OPCML: variants seen among roughly 807,000 people sequenced by gnomAD.
OPCML encodes the protein opioid binding protein/cell adhesion molecule like.
Under a neutral mutation model 37.8 loss-of-function variants are expected in OPCML, and 13 were observed. The ratio of observed to expected loss-of-function variants is 0.34; its 90% confidence interval spans 0.22 to 0.55. The LOEUF (loss-of-function observed/expected upper bound fraction) is 0.55, where lower values mean the gene tolerates loss of function less well. OPCML is among the 20% of genes least tolerant of loss of function. The pLI is 0.91. For synonymous variants in OPCML, 176 were observed against 168.8 expected, an observed-to-expected ratio of 1.04 and a Z score of -0.33; for missense variants, 341 against 435.6, an observed-to-expected ratio of 0.78 and a Z score of 1.93.
chr11:132,501,034 T>A (rs938370944), intron 4 of OPCML, among the ~76,000 whole-genome samples: 1 of 152,206 alleles, frequency 6.6e-6, no homozygotes, highest in Non-Finnish European at 1.5e-5. Flanking sequence ...TGTGTCTTTA[T>A]AGTAGAATGA....
At chr11:133,478,243 C>T (rs1471652780) in intron 1 of OPCML, among the ~76,000 whole-genome samples, 2 of 152,194 alleles carry the variant, frequency 1.3e-5, no homozygotes, top group African/African-American at 4.8e-5. Flanking sequence ...GGCCTCCTGC[C>T]TGCCTCTCCC....
chr11:132,423,767 C>T (rs901293864), intron 7 of OPCML, among the ~76,000 whole-genome samples: 1 of 152,134 alleles, frequency 6.6e-6, no homozygotes, highest in African/African-American at 2.4e-5. Context: ...TCGGGGCTCA[C>T]GTTTGGTCCC....
chr11:132,782,917 GTATATATA>G lies in OPCML; in HGVS notation c.147-125606_147-125599del, dbSNP rs59984496. On this transcript the variant is annotated intron_variant, in intron 2 of 7. Transcript: ENST00000524381. ...AATATGTAATATATATATAGTGTGT[GTATATATA>G]TATATATATATATATATATATGTAT... 1.2e-3 allele frequency among the ~76,000 whole-genome samples: 145 copies of G among 125,080 alleles called. 1 individual carries two copies. The highest frequency in any genetic ancestry group is 3.3e-3 in the African/African-American group (113 of 34,420). The allele number at this position is 125,080 out of a possible 152,430, so 82.1% of individuals were successfully genotyped here.
At chr11:132,513,953 C>A (rs2096274342) in intron 4 of OPCML, among the ~76,000 whole-genome samples, 1 of 152,048 alleles carries the variant, frequency 6.6e-6, no homozygotes, top group African/African-American at 2.4e-5. Flanking sequence ...GTAGAAGGCA[C>A]CCACTAATTC....
chr11:132,772,232 T>C (rs1946663916), intron 2 of OPCML: 1 of 152,190 alleles, frequency 6.6e-6, no homozygotes, highest in South Asian at 2.1e-4. Flanking sequence ...CCAAAATCCT[T>C]CTCTGGGATG....
intron 1 of OPCML, among the ~76,000 whole-genome samples, chr11:133,417,868 A>G (rs1298295789): frequency 2.6e-5 from 4 of 152,218 alleles, no homozygotes; most frequent in African/African-American, 9.7e-5. Flanking sequence ...GTCCAGAGAA[A>G]GAAATATGTA....
intron 4 of OPCML, among the ~76,000 whole-genome samples, chr11:132,525,208 C>T (rs906971883): frequency 5.3e-5 from 8 of 152,126 alleles, no homozygotes; most frequent in Non-Finnish European, 1.0e-4. Flanking sequence ...TTATTTTTCT[C>T]CAATGTGATA....
chr11:132,533,703 T>G (rs1252078794), intron 3 of OPCML, among the ~76,000 whole-genome samples: 1 of 152,138 alleles, frequency 6.6e-6, no homozygotes, highest in Non-Finnish European at 1.5e-5. Flanking sequence ...CCTTTACTTG[T>G]ATATTTACCT....
intron 1 of OPCML, among the ~76,000 whole-genome samples, chr11:133,304,300 A>G (rs1592183924): frequency 6.6e-6 from 1 of 152,338 alleles, no homozygotes; most frequent in Non-Finnish European, 1.5e-5. Context: ...GAATAATCAC[A>G]TATAACATTT....
chr11:132,552,952 T>A (rs191273504), intron 3 of OPCML, among the ~76,000 whole-genome samples: 1 of 151,820 alleles, frequency 6.6e-6, no homozygotes, highest in Non-Finnish European at 1.5e-5. Context: ...TTTTAGTAGA[T>A]ACGGTGTTTC....
In OPCML at chr11:132,700,148, T is replaced by C. The variant is rs1362588304; in HGVS notation, c.147-42829A>G. Among the ~76,000 whole-genome samples, 3 of 152,186 alleles carry C rather than the reference T, an allele frequency of 2.0e-5. 1 individual carries two copies. The highest frequency in any genetic ancestry group is 3.9e-4 in the East Asian group (2 of 5,186). On this transcript the variant is annotated intron_variant, in intron 2 of 7. Coordinates refer to ENST00000524381, the MANE Select transcript of OPCML (RefSeq NM_001012393.5). Reference sequence around the variant, plus strand: ...ATCTTTTGTGTTTCTGTAAACTGTATTGTGTACTCTTTGATTTATAAATTT... The same window carrying C: ...ATCTTTTGTGTTTCTGTAAACTGTACTGTGTACTCTTTGATTTATAAATTT...
chr11:133,161,171 G>T (rs61910349), intron 1 of OPCML, among the ~76,000 whole-genome samples: 1 of 152,226 alleles, frequency 6.6e-6, no homozygotes, highest in Non-Finnish European at 1.5e-5. Context: ...CTGTGGCTTT[G>T]GGACTGAGGG....
chr11:132,618,714 G>A (rs1255672378), intron 3 of OPCML, among the ~76,000 whole-genome samples: 1 of 152,062 alleles, frequency 6.6e-6, no homozygotes, highest in African/African-American at 2.4e-5. Context: ...CCATTTTAAA[G>A]TGTACAGTTT....
chr11:132,927,618 T>A (rs1945040812), intron 2 of OPCML, among the ~76,000 whole-genome samples: 2 of 152,122 alleles, frequency 1.3e-5, no homozygotes, highest in African/African-American at 4.8e-5. Flanking sequence ...TGGAAAGTAA[T>A]TTAAATTTGT....
At chr11:133,143,556 A>G (rs1336278113) in intron 1 of OPCML, among the ~76,000 whole-genome samples, 1 of 152,188 alleles carries the variant, frequency 6.6e-6, no homozygotes, top group African/African-American at 2.4e-5. Context: ...AAGCACTAAA[A>G]TCTGTGGGTT....
rs192722276 is a variant in OPCML, at chr11:132,827,733, G to A, written c.146+115193C>T. Among the ~76,000 whole-genome samples the A allele has an allele frequency of 8.0e-4, 122 of 152,122 alleles. 1 individual carries two copies. The highest frequency in any genetic ancestry group is 2.6e-3 in the African/African-American group (108 of 41,508). Reference sequence around the variant, plus strand: ...CAGATCACTGCAACCTCCGCCTCCCGCATTCAAGTGATTCTCCTGCCTCAG... The same window carrying A: ...CAGATCACTGCAACCTCCGCCTCCCACATTCAAGTGATTCTCCTGCCTCAG... On this transcript the variant is annotated intron_variant, in intron 2 of 7. Coordinates refer to ENST00000524381, the MANE Select transcript of OPCML (RefSeq NM_001012393.5).
At chr11:132,964,634 G>A (rs187827944) in intron 1 of OPCML, among the ~76,000 whole-genome samples, 32 of 152,148 alleles carry the variant, frequency 2.1e-4, no homozygotes, top group African/African-American at 6.7e-4. Flanking sequence ...ACATCCTACC[G>A]CTTCCTCCTG....
At chr11:132,843,936 C>G (rs1259734429) in intron 2 of OPCML, among the ~76,000 whole-genome samples, 1 of 152,224 alleles carries the variant, frequency 6.6e-6, no homozygotes, top group Non-Finnish European at 1.5e-5. Flanking sequence ...CCACACAAAT[C>G]TCATCTTGAA....
At chr11:133,021,879 G>T (rs1177842933) in intron 1 of OPCML, among the ~76,000 whole-genome samples, 1 of 151,966 alleles carries the variant, frequency 6.6e-6, no homozygotes, top group Admixed American at 6.5e-5. Flanking sequence ...GCTGAGCCCC[G>T]TGCTACAGAG....
Sources: gnomAD v4.1 joint callset for allele counts (sites outside exome capture counted in the v4.1 genomes callset) on GRCh38, gnomAD v4.1.1 for gene constraint, MANE v1.5 for transcripts, NCBI Gene and HGNC (gene_info 2026-07-23, HGNC 2026-07-21) for gene names.